Variants in MRTFB observed in about 807,000 individuals in gnomAD.
The protein encoded by MRTFB is myocardin-related transcription factor B.
A neutral mutation model predicts 104.2 loss-of-function variants in MRTFB; 29 were observed. The observed-to-expected ratio is 0.28, with a 90% CI of 0.21 to 0.38. MRTFB has a LOEUF of 0.38. Ranked by LOEUF, MRTFB falls within the 10% of genes least tolerant of loss-of-function variation. MRTFB has a pLI of 1.00. For synonymous variants in MRTFB, 535 were observed against 519.5 expected (o/e 1.03, Z -0.41); for missense variants, 1,270 against 1,341.6 (o/e 0.95, Z 0.83).
chr16:14,032,955 G>A, the MRTFB span, among the ~76,000 whole-genome samples: 1 of 151,828 alleles, frequency 6.6e-6, no homozygotes, highest in Non-Finnish European at 1.5e-5. Flanking sequence ...CCAAGTAGTT[G>A]GAACCACAGA....
chr16:14,006,334 A>T, the MRTFB span, among the ~76,000 whole-genome samples: 1 of 150,118 alleles, frequency 6.7e-6, no homozygotes, highest in Non-Finnish European at 1.5e-5. Flanking sequence ...CAAGAGCAAA[A>T]CTCGTCTCAA....
chr16:14,223,025 G>C (rs2041809291), intron 8 of MRTFB, among the ~76,000 whole-genome samples: 1 of 152,066 alleles, frequency 6.6e-6, no homozygotes, highest in African/African-American at 2.4e-5. Context: ...AAAAAAACAA[G>C]GCAGGGTGCA....
intron 3 of MRTFB, among the ~76,000 whole-genome samples, chr16:14,192,645 A>T (rs1359906469): frequency 6.6e-6 from 1 of 152,226 alleles, no homozygotes; most frequent in Non-Finnish European, 1.5e-5. Context: ...ATGATAGTAG[A>T]AGTTAAAACA....
chr16:14,189,041 CTAAA>C (rs1372556870), intron 3 of MRTFB, among the ~76,000 whole-genome samples: 1 of 152,088 alleles, frequency 6.6e-6, no homozygotes, highest in Non-Finnish European at 1.5e-5. Flanking sequence ...TCTCAACAGA[CTAAA>C]TATTTCTCCT....
At chr16:14,070,476 C>A (rs552085223), upstream of MRTFB, among the ~76,000 whole-genome samples, 1 of 152,312 alleles carries the variant, frequency 6.6e-6, no homozygotes, top group African/African-American at 2.4e-5. Flanking sequence ...ATGCTCTCTA[C>A]CAGCAAAACG....
chr16:14,022,245 C>T, the MRTFB span, among the ~76,000 whole-genome samples: 2 of 152,158 alleles, frequency 1.3e-5, no homozygotes, highest in African/African-American at 4.8e-5. Context: ...GGTGGAATAA[C>T]AGGATTTTTA....
intron 3 of MRTFB, among the ~76,000 whole-genome samples, chr16:14,161,085 CTT>C (rs57360069): frequency 0.018 from 950 of 52,916 alleles, 3 homozygotes; most frequent in African/African-American, 0.089. Context: ...AATGCCAGGA[CTT>C]TTTTTTTTTT....
chr16:14,162,143 C>T (rs2039061618), intron 3 of MRTFB, among the ~76,000 whole-genome samples: 1 of 125,420 alleles, frequency 8.0e-6, no homozygotes, highest in African/African-American at 3.7e-5. Context: ...TAGGGAGACC[C>T]TGTCTCTACA....
At chr16:14,233,942 C>A (rs2042383693) in intron 8 of MRTFB, among the ~76,000 whole-genome samples, 1 of 152,030 alleles carries the variant, frequency 6.6e-6, no homozygotes, top group African/African-American at 2.4e-5. Context: ...TTTAGTTATT[C>A]ACTGCTCTTA....
chr16:14,042,125 G>A, the MRTFB span, among the ~76,000 whole-genome samples: 17 of 150,326 alleles, frequency 1.1e-4, no homozygotes. Context: ...TTATTTTCTG[G>A]GTTGTTTGTT....
intron 2 of MRTFB, among the ~76,000 whole-genome samples, chr16:14,140,014 C>A (rs2037915566): frequency 1.3e-5 from 2 of 152,188 alleles, no homozygotes; most frequent in African/African-American, 4.8e-5. Flanking sequence ...ATTTCAGTGA[C>A]TTAAAAGTTT....
At chr16:14,136,932 G>C (rs1597024543) in intron 2 of MRTFB, among the ~76,000 whole-genome samples, 1 of 152,182 alleles carries the variant, frequency 6.6e-6, no homozygotes, top group South Asian at 2.1e-4. Context: ...ACGTTATTGG[G>C]ATTTGTAAGA....
the MRTFB span, among the ~76,000 whole-genome samples, chr16:14,023,257 G>A: frequency 6.6e-6 from 1 of 151,810 alleles, no homozygotes; most frequent in Non-Finnish European, 1.5e-5. Flanking sequence ...TGGCAATAAG[G>A]CAAGACCCTA....
chr16:14,193,240 GAA>G (rs1286027966), intron 3 of MRTFB, among the ~76,000 whole-genome samples: 2 of 61,712 alleles, frequency 3.2e-5, no homozygotes, highest in African/African-American at 5.0e-5. Flanking sequence ...AAAAAAAAAA[GAA>G]TGATCATCTT....
At position 14,126,061 on chromosome 16, in the gene MRTFB, A is replaced by G. The variant is rs530289281; in HGVS notation, c.-63-14483A>G. 1.3e-4 allele frequency among the ~76,000 whole-genome samples: 20 copies of G among 152,350 alleles called. No individual in the cohort carries two copies. The East Asian group carries it at 3.9e-3, about 29-fold the overall frequency. ...GGTAAGGAATAAAAAGTACATGGAG[A>G]AATTTATTTTACTGATTGAACTTTA... On this transcript the variant is annotated intron_variant, in intron 2 of 16. Coordinates refer to ENST00000571589, the MANE Select transcript of MRTFB (RefSeq NM_001308142.2).
At chr16:14,254,847 G>C (rs1379229897) in intron 15 of MRTFB, among the ~76,000 whole-genome samples, 1 of 152,168 alleles carries the variant, frequency 6.6e-6, no homozygotes, top group Non-Finnish European at 1.5e-5. Context: ...GACCAATCCT[G>C]AGCTCATCTC....
At chr16:14,151,380 T>G (rs530011518) in intron 3 of MRTFB, 2 of 152,348 alleles carry the variant, frequency 1.3e-5, no homozygotes, top group African/African-American at 2.4e-5. Flanking sequence ...TTTTCAAATT[T>G]TCACACATCT....
At chr16:14,253,115 C>T (rs1597384410) in intron 15 of MRTFB, among the ~76,000 whole-genome samples, 2 of 152,260 alleles carry the variant, frequency 1.3e-5, no homozygotes, top group East Asian at 3.9e-4. Context: ...GTAGCCCCAA[C>T]CATACCAAGC....
intron 9 of MRTFB, among the ~76,000 whole-genome samples, chr16:14,234,758 G>A (rs2042419640): frequency 6.6e-6 from 1 of 152,090 alleles, no homozygotes; most frequent in Admixed American, 6.5e-5. Context: ...TCACACCATT[G>A]CACTCTAGCT....
Sources: allele counts gnomAD v4.1 joint callset (sites outside exome capture counted in the v4.1 genomes callset), GRCh38; gene constraint gnomAD v4.1.1; transcripts MANE v1.5; gene names NCBI Gene and HGNC (gene_info 2026-07-23, HGNC 2026-07-21).